Variants in ABCB4 observed in about 807,000 individuals in gnomAD.
The protein encoded by ABCB4 is ATP binding cassette subfamily B member 4.
In ABCB4, 76 loss-of-function variants were observed where a neutral mutation model predicts 145.7. The observed-to-expected ratio is 0.52, with a 90% CI of 0.43 to 0.63. ABCB4 has a LOEUF of 0.63. ABCB4 is among the 30% of genes least tolerant of loss of function. The probability of loss-of-function intolerance (pLI) is 0.00; values close to 1 mark genes in which losing one functional copy is unlikely to be tolerated. For synonymous variants in ABCB4, 517 were observed against 566.8 expected, an observed-to-expected ratio of 0.91 and a Z score of 1.25; for missense variants, 1,234 against 1,553.1, an observed-to-expected ratio of 0.79 and a Z score of 3.45.
At chr7:87,375,750 G>A in the ABCB4 span, 12 of 1,612,160 alleles carry the variant, frequency 7.4e-6, no homozygotes, top group South Asian at 1.1e-5. Flanking sequence ...TTTTCTTAAC[G>A]AAGCTTTTCT....
intron 4 of ABCB4, among the ~76,000 whole-genome samples, chr7:87,459,306 T>G (rs983786780): frequency 6.6e-6 from 1 of 152,232 alleles, no homozygotes; most frequent in South Asian, 2.1e-4. Flanking sequence ...TCCCCACTGC[T>G]CCTCCCCACA....
Position 87,401,776 on chromosome 7 carries a change from G to A in ABCB4, c.*320C>T, listed in dbSNP as rs1023827569. ...TTTCCTGTCTACCCAACCCATTCAG[G>A]ACCATAAGACCATTTCCCTATGTCT... On this transcript the variant is annotated 3_prime_UTR_variant, in exon 28 of 28. Transcript: ENST00000649586. 7.2e-6 allele frequency: 3 copies of A among 417,116 alleles called. No homozygotes were observed. Among genetic ancestry groups the A allele is most frequent in the Admixed American group, 6.9e-5 (2 of 28,804 alleles). The allele number at this position is 417,116 out of a possible 1,614,324, so 25.8% of individuals were successfully genotyped here.
At chr7:87,379,186 C>T in the ABCB4 span, among the ~76,000 whole-genome samples, 7 of 152,130 alleles carry the variant, frequency 4.6e-5, no homozygotes, top group African/African-American at 1.7e-4. Flanking sequence ...CAGTTGGTTA[C>T]CCTCTGCATA....
chr7:87,466,111 C>T (rs181886070), intron 3 of ABCB4, among the ~76,000 whole-genome samples: 7 of 152,066 alleles, frequency 4.6e-5, no homozygotes, highest in Non-Finnish European at 8.8e-5. Flanking sequence ...GAGCTAAAGA[C>T]GGAAGTTCGA....
chr7:87,445,775 G>A (rs1051279749), intron 9 of ABCB4, among the ~76,000 whole-genome samples: 1 of 152,060 alleles, frequency 6.6e-6, no homozygotes, highest in African/African-American at 2.4e-5. Context: ...TACAGATAAG[G>A]ACCAGTAAGA....
intron 6 of ABCB4, among the ~76,000 whole-genome samples, chr7:87,452,178 G>T (rs1437067403): frequency 4.6e-5 from 7 of 152,090 alleles, no homozygotes; most frequent in African/African-American, 1.7e-4. Flanking sequence ...ATAGGGAAGA[G>T]ATCTTTGCTT....
the ABCB4 span, among the ~76,000 whole-genome samples, chr7:87,384,376 A>G: frequency 8.7e-4 from 133 of 152,282 alleles, 3 homozygotes; most frequent in South Asian, 0.018. Flanking sequence ...TACTAAAAAT[A>G]CAAAAATTAG....
chr7:87,458,234 T>C (rs1812226549), intron 4 of ABCB4, among the ~76,000 whole-genome samples: 1 of 152,216 alleles, frequency 6.6e-6, no homozygotes, highest in Non-Finnish European at 1.5e-5. Context: ...TCCTTGACAC[T>C]CTGCAGAAAA....
Position 87,472,681 on chromosome 7 carries a change from A to T in ABCB4, c.81-6T>A, listed in dbSNP as rs1813510802. 6.3e-7 allele frequency: 1 copy of T among 1,583,146 alleles called. No homozygotes were observed. Among genetic ancestry groups the T allele is most frequent in the Non-Finnish European group, 8.7e-7 (1 of 1,152,384 alleles). On this transcript the variant is annotated splice_region_variant and splice_polypyrimidine_tract_variant and intron_variant, in intron 2 of 27. Transcript: ENST00000649586. ...TTTTTTTCCTTTTTTGTTTGCTGTA[A>T]AAAATAGAATTGCTTCAATTTAAAA...
chr7:87,427,857 C>T (rs1809946251), intron 15 of ABCB4, among the ~76,000 whole-genome samples: 2 of 152,100 alleles, frequency 1.3e-5, no homozygotes, highest in Non-Finnish European at 2.9e-5. Context: ...TGGTGGATTT[C>T]CTTATTTGCT....
Position 87,418,585 on chromosome 7 carries a change from A to AG in ABCB4, c.2429dup (p.Gly811TrpfsTer31). On this transcript the variant is annotated frameshift_variant, in exon 20 of 28. Coordinates refer to ENST00000649586, the MANE Select transcript of ABCB4 (RefSeq NM_000443.4). LOFTEE classifies it high-confidence loss of function. ...TGGCAAGTCTTGTAGAAAGTGCACC[A>AG]GTACTGTTTTTATGGTCATCAAACC... is the stretch of plus-strand genomic sequence containing the variant. 6.2e-7 allele frequency: 1 copy of AG among 1,614,200 alleles called. No individual in the cohort carries two copies. The highest frequency in any genetic ancestry group is 8.5e-7 in the Non-Finnish European group (1 of 1,180,014).
At chr7:87,409,816 A>C (rs1449267220) in intron 23 of ABCB4, among the ~76,000 whole-genome samples, 2 of 152,214 alleles carry the variant, frequency 1.3e-5, no homozygotes, top group African/African-American at 4.8e-5. Context: ...GCTTTTTCTG[A>C]TAAAGCTCTG....
intron 14 of ABCB4, among the ~76,000 whole-genome samples, chr7:87,439,164 G>C (rs544589935): frequency 6.6e-6 from 1 of 152,200 alleles, no homozygotes; most frequent in South Asian, 2.1e-4. Context: ...CTGGACAGAT[G>C]AACTCAGCAC....
chr7:87,400,183 A>G (rs1404219786), downstream of ABCB4, among the ~76,000 whole-genome samples: 1 of 152,210 alleles, frequency 6.6e-6, no homozygotes, highest in Non-Finnish European at 1.5e-5. Context: ...TGTTGATTAA[A>G]CCAAGTCACA....
chr7:87,374,477 A>G, the ABCB4 span, among the ~76,000 whole-genome samples: 1 of 152,044 alleles, frequency 6.6e-6, no homozygotes, highest in Non-Finnish European at 1.5e-5. Context: ...CAAGTACCAT[A>G]TGGAGAGAAA....
At chr7:87,398,103 C>CTT (rs5885580), downstream of ABCB4, among the ~76,000 whole-genome samples, 1,936 of 144,988 alleles carry the variant, frequency 0.013, 22 homozygotes, top group Non-Finnish European at 0.02. Context: ...CCTTCTCTGC[C>CTT]TTTTTTTTTT....
the ABCB4 span, among the ~76,000 whole-genome samples, chr7:87,390,433 TGAAA>T: frequency 5.3e-5 from 8 of 152,334 alleles, no homozygotes; most frequent in East Asian, 1.5e-3. Flanking sequence ...TTTGTTTTCC[TGAAA>T]GAATGTTATT....
intron 3 of ABCB4, among the ~76,000 whole-genome samples, chr7:87,464,230 C>A (rs753616922): frequency 2.0e-5 from 3 of 152,168 alleles, no homozygotes; most frequent in Non-Finnish European, 4.4e-5. Flanking sequence ...TGTGTGTACA[C>A]CATTCTCAAA....
chr7:87,404,593 A>G (rs1359146016), intron 26 of ABCB4, among the ~76,000 whole-genome samples: 1 of 152,198 alleles, frequency 6.6e-6, no homozygotes, highest in African/African-American at 2.4e-5. Flanking sequence ...GACTGGGAGA[A>G]AACATTTACA....
Sources: gnomAD v4.1 joint callset for allele counts (sites outside exome capture counted in the v4.1 genomes callset) on GRCh38, gnomAD v4.1.1 for gene constraint, MANE v1.5 for transcripts, NCBI Gene and HGNC (gene_info 2026-07-23, HGNC 2026-07-21) for gene names.